The following POU6F2 variants were observed in gnomAD, a reference collection of about 807,000 sequenced individuals.
POU6F2 encodes the protein POU domain, class 6, transcription factor 2.
POU6F2 carries 31 observed loss-of-function variants against 71.3 expected under a neutral mutation model. The ratio of observed to expected loss-of-function variants is 0.43; its 90% CI spans 0.33 to 0.59. The LOEUF is 0.59. POU6F2 is among the 20% of genes least tolerant of loss of function. The pLI, the probability that POU6F2 is intolerant of heterozygous loss-of-function variation, is 0.04. For synonymous variants in POU6F2, 347 were observed against 355.7 expected (o/e 0.98, Z 0.27); for missense variants, 783 against 856.8 (o/e 0.91, Z 1.07).
intron 5 of POU6F2, among the ~76,000 whole-genome samples, chr7:39,405,577 A>AT (rs1787405478): frequency 6.6e-6 from 1 of 152,232 alleles, no homozygotes; most frequent in Non-Finnish European, 1.5e-5. Flanking sequence ...ATGGGGAAAA[A>AT]AATAACACCC....
At chr7:39,012,320 T>C (rs1389603287) in intron 1 of POU6F2, among the ~76,000 whole-genome samples, 2 of 152,132 alleles carry the variant, frequency 1.3e-5, no homozygotes, top group Non-Finnish European at 2.9e-5. Flanking sequence ...TCACATCGGC[T>C]CCTGAGTCTT....
At chr7:38,997,468 C>A (rs1788771289) in intron 1 of POU6F2, among the ~76,000 whole-genome samples, 1 of 152,212 alleles carries the variant, frequency 6.6e-6, no homozygotes, top group African/African-American at 2.4e-5. Flanking sequence ...TACCTGTCTG[C>A]CTGAACCAGC....
intron 6 of POU6F2, among the ~76,000 whole-genome samples, chr7:39,430,372 C>G (rs1166952217): frequency 6.6e-6 from 1 of 152,204 alleles, no homozygotes; most frequent in Non-Finnish European, 1.5e-5. Flanking sequence ...CACCAATAGT[C>G]AGGTCATTAC....
chr7:39,377,742 A>G (rs909193238), intron 5 of POU6F2, among the ~76,000 whole-genome samples: 6 of 152,222 alleles, frequency 3.9e-5, no homozygotes, highest in African/African-American at 1.4e-4. Context: ...TTAACCCCAG[A>G]AATTCCCCCA....
chr7:39,381,413 AT>A (rs1009200731), intron 5 of POU6F2, among the ~76,000 whole-genome samples: 1 of 151,186 alleles, frequency 6.6e-6, no homozygotes, highest in African/African-American at 2.4e-5. Context: ...AATTTTTTGT[AT>A]TTTTTTTAGT....
intron 7 of POU6F2, among the ~76,000 whole-genome samples, chr7:39,439,942 G>A (rs895599632): frequency 6.6e-6 from 1 of 152,184 alleles, no homozygotes; most frequent in Admixed American, 6.5e-5. Context: ...CGCTTATGAA[G>A]CTTAGTTTGG....
intron 1 of POU6F2, among the ~76,000 whole-genome samples, chr7:39,022,009 G>C (rs1341313086): frequency 6.6e-6 from 1 of 152,076 alleles, no homozygotes; most frequent in Non-Finnish European, 1.5e-5. Flanking sequence ...GTCAGGATAT[G>C]TCAAGGGACA....
intron 1 of POU6F2, among the ~76,000 whole-genome samples, chr7:39,075,949 C>G (rs1790993960): frequency 6.6e-6 from 1 of 152,166 alleles, no homozygotes; most frequent in Non-Finnish European, 1.5e-5. Context: ...CCATCTTGTC[C>G]TGTGTTACAA....
intron 5 of POU6F2, among the ~76,000 whole-genome samples, chr7:39,363,031 G>A (rs192204134): frequency 1.1e-4 from 16 of 152,210 alleles, no homozygotes; most frequent in African/African-American, 1.7e-4. Flanking sequence ...GCTAGTACTC[G>A]GAATAAAACA....
chr7:39,361,923 G>A (rs2115714260), intron 5 of POU6F2, among the ~76,000 whole-genome samples: 1 of 152,308 alleles, frequency 6.6e-6, no homozygotes, highest in East Asian at 1.9e-4. Context: ...GCTACAGAGA[G>A]TGATTCTGTC....
intron 6 of POU6F2, among the ~76,000 whole-genome samples, chr7:39,415,960 C>T (rs574488169): frequency 1.3e-5 from 2 of 152,204 alleles, no homozygotes; most frequent in Admixed American, 1.3e-4. Context: ...CTGATTTTCT[C>T]GGGTTCAGAG....
intron 2 of POU6F2, among the ~76,000 whole-genome samples, chr7:39,104,632 G>A (rs376135330): frequency 6.6e-5 from 10 of 152,302 alleles, no homozygotes; most frequent in South Asian, 2.1e-4. Context: ...GAAGTCAACA[G>A]CATCATTTCC....
At chr7:39,228,216 A>T (rs1274064704) in intron 4 of POU6F2, among the ~76,000 whole-genome samples, 1 of 152,184 alleles carries the variant, frequency 6.6e-6, no homozygotes, top group Non-Finnish European at 1.5e-5. Context: ...CTTTGAGTCC[A>T]TTGTTTTTGT....
intron 2 of POU6F2, among the ~76,000 whole-genome samples, chr7:39,121,793 G>A (rs897468385): frequency 1.3e-5 from 2 of 152,124 alleles, no homozygotes; most frequent in Non-Finnish European, 2.9e-5. Context: ...CCACCTCCCG[G>A]GTTCAAGCGA....
chr7:39,340,072 G>A, intron 5 of POU6F2, 57 bp downstream of exon 5: 2 of 1,519,480 alleles, frequency 1.3e-6, no homozygotes, highest in Non-Finnish European at 1.8e-6. Context: ...TTTCCATGGG[G>A]TGGTGCCATC....
intron 1 of POU6F2, among the ~76,000 whole-genome samples, chr7:38,978,303 C>A (rs1175886790): frequency 6.6e-6 from 1 of 152,136 alleles, no homozygotes; most frequent in Admixed American, 6.5e-5. Flanking sequence ...GAGAATAAAT[C>A]TAATTTATAA....
chr7:39,024,405 G>A (rs1486472410), intron 1 of POU6F2, among the ~76,000 whole-genome samples: 4 of 151,918 alleles, frequency 2.6e-5, no homozygotes, highest in Admixed American at 6.6e-5. Flanking sequence ...GAGATTTTGG[G>A]CTGAGACGAT....
chr7:39,087,021 A>C (rs954264076), intron 2 of POU6F2, among the ~76,000 whole-genome samples: 3 of 151,608 alleles, frequency 2.0e-5, no homozygotes. Flanking sequence ...TATCAGGCAG[A>C]GTACTGCTTG....
intron 1 of POU6F2, among the ~76,000 whole-genome samples, chr7:39,065,468 G>A (rs982115926): frequency 6.6e-6 from 1 of 151,472 alleles, no homozygotes; most frequent in Non-Finnish European, 1.5e-5. Flanking sequence ...AAGACATTGG[G>A]TAGAAAGATA....
Sources: allele counts gnomAD v4.1 joint callset (sites outside exome capture counted in the v4.1 genomes callset), GRCh38; gene constraint gnomAD v4.1.1; transcripts MANE v1.5; gene names NCBI Gene and HGNC (gene_info 2026-07-23, HGNC 2026-07-21).